NAALADL2: variants seen among roughly 807,000 people sequenced by gnomAD.
The protein encoded by NAALADL2 is inactive N-acetylated-alpha-linked acidic dipeptidase-like protein 2.
A neutral mutation model predicts 87.2 loss-of-function variants in NAALADL2; 76 were observed. That is an observed-to-expected ratio of 0.87 (90% CI 0.72 to 1.05). The LOEUF is 1.05. Ranked by LOEUF, NAALADL2 falls within the 50% of genes least tolerant of loss-of-function variation. The pLI is 0.00. For synonymous variants in NAALADL2, 354 were observed against 331.0 expected, an observed-to-expected ratio of 1.07 and a Z score of -0.75; for missense variants, 1,089 against 945.8, an observed-to-expected ratio of 1.15 and a Z score of -1.99.
rs371010697 is a variant in NAALADL2 at position 174,527,246 on chromosome 3, C to T, written c.-183-23323C>T. Among the ~76,000 whole-genome samples the T allele has an allele frequency of 4.6e-5, 7 of 151,888 alleles. No individual in the cohort carries two copies. The South Asian group carries it at 6.2e-4, about 14-fold the overall frequency. ...GATAGAAAAGAAGGTCTTGGCTGGG[C>T]GCAGTGGGTCAGGCCTGCAATCCCA... On this transcript the variant is annotated intron_variant, in intron 1 of 3. Transcript: ENST00000434257.
At chr3:174,825,405 C>T (rs1721869672) in intron 3 of NAALADL2, among the ~76,000 whole-genome samples, 1 of 152,208 alleles carries the variant, frequency 6.6e-6, no homozygotes, top group East Asian at 1.9e-4. Flanking sequence ...ATGGACCTCT[C>T]AGCCTAAGGA....
At chr3:174,937,402 A>G (rs1450275347) in intron 1 of NAALADL2, among the ~76,000 whole-genome samples, 1 of 152,066 alleles carries the variant, frequency 6.6e-6, no homozygotes, top group Non-Finnish European at 1.5e-5. Flanking sequence ...GAAATCCAGA[A>G]AGGTCTTTGG....
At chr3:174,557,980 A>G (rs2108505419) in intron 2 of NAALADL2, among the ~76,000 whole-genome samples, 1 of 152,226 alleles carries the variant, frequency 6.6e-6, no homozygotes, top group South Asian at 2.1e-4. Context: ...TCTGCACCCA[A>G]GATTTTTACT....
chr3:174,749,483 G>A (rs1388030308), intron 3 of NAALADL2, among the ~76,000 whole-genome samples: 2 of 149,406 alleles, frequency 1.3e-5, no homozygotes, highest in Admixed American at 6.7e-5. Flanking sequence ...GCAGATTATG[G>A]TTGCCAATGA....
At chr3:175,717,218 GTGAGGCATGGCGCAGCCACATTATCCTTT>G (rs1248764252) in intron 11 of NAALADL2, among the ~76,000 whole-genome samples, 1 of 152,124 alleles carries the variant, frequency 6.6e-6, no homozygotes, top group African/African-American at 2.4e-5. Context: ...GATTACAGGT[GTGAGGCATGGCGCAGCCACATTATCCTTT>G]TGAGGCAGGG....
chr3:175,752,559 G>A (rs1416055495), intron 12 of NAALADL2, among the ~76,000 whole-genome samples: 2 of 152,096 alleles, frequency 1.3e-5, no homozygotes, highest in East Asian at 1.9e-4. Context: ...AAATGATTGA[G>A]TAAACATTGA....
chr3:175,362,279 A>G (rs1458209340), intron 5 of NAALADL2, among the ~76,000 whole-genome samples: 2 of 147,880 alleles, frequency 1.4e-5, no homozygotes, highest in Non-Finnish European at 3.0e-5. Flanking sequence ...GCCTTGTTGT[A>G]TAGTTTGAAG....
At chr3:174,581,473 A>G (rs1716160534) in intron 2 of NAALADL2, among the ~76,000 whole-genome samples, 1 of 151,980 alleles carries the variant, frequency 6.6e-6, no homozygotes, top group Admixed American at 6.6e-5. Context: ...GCCATTTTCT[A>G]AAAAAAAGTG....
At chr3:174,614,497 G>T (rs1224027698) in intron 2 of NAALADL2, among the ~76,000 whole-genome samples, 1 of 152,090 alleles carries the variant, frequency 6.6e-6, no homozygotes, top group Admixed American at 6.5e-5. Context: ...CCAACTCAGT[G>T]TCTCACCATT....
chr3:174,753,238 T>C (rs1179430886), intron 3 of NAALADL2, among the ~76,000 whole-genome samples: 2 of 152,190 alleles, frequency 1.3e-5, no homozygotes, highest in African/African-American at 4.8e-5. Flanking sequence ...CATGCCTGGC[T>C]AATTTTTTTG....
intron 2 of NAALADL2, among the ~76,000 whole-genome samples, chr3:175,136,030 T>C (rs1729064270): frequency 6.6e-6 from 1 of 152,106 alleles, no homozygotes; most frequent in Admixed American, 6.5e-5. Context: ...GGCAAAAGCT[T>C]TATGTGACTG....
intron 11 of NAALADL2, among the ~76,000 whole-genome samples, chr3:175,726,548 C>T (rs566155303): frequency 1.3e-4 from 20 of 152,274 alleles, no homozygotes; most frequent in Non-Finnish European, 2.2e-4. Context: ...AGGTTTTCTC[C>T]AGCAAGGTTA....
intron 9 of NAALADL2, among the ~76,000 whole-genome samples, chr3:175,499,068 T>C (rs772157479): frequency 6.6e-6 from 1 of 152,128 alleles, no homozygotes; most frequent in Non-Finnish European, 1.5e-5. Flanking sequence ...ATACTTATTA[T>C]GCATTTTCTT....
At chr3:174,597,169 G>A (rs1207941055) in intron 2 of NAALADL2, among the ~76,000 whole-genome samples, 1 of 152,180 alleles carries the variant, frequency 6.6e-6, no homozygotes, top group Admixed American at 6.5e-5. Flanking sequence ...GCAGAGTCTG[G>A]AAGAAACCAA....
At chr3:174,987,805 T>C (rs1242849843) in intron 1 of NAALADL2, among the ~76,000 whole-genome samples, 2 of 132,942 alleles carry the variant, frequency 1.5e-5, no homozygotes, top group African/African-American at 6.9e-5. Context: ...TATATATATA[T>C]ATATAATTAT....
chr3:175,125,714 A>G (rs1438390053), intron 2 of NAALADL2, among the ~76,000 whole-genome samples: 2 of 152,118 alleles, frequency 1.3e-5, no homozygotes, highest in Non-Finnish European at 2.9e-5. Flanking sequence ...GGAACCGAAC[A>G]GGTTCGAGAA....
intron 5 of NAALADL2, among the ~76,000 whole-genome samples, chr3:175,336,860 G>A (rs1307654386): frequency 6.6e-6 from 1 of 151,910 alleles, no homozygotes; most frequent in Non-Finnish European, 1.5e-5. Flanking sequence ...CAGTCCCTTG[G>A]GTGATTTTTC....
intron 11 of NAALADL2, among the ~76,000 whole-genome samples, chr3:175,679,914 G>GT (rs1395513210): frequency 6.6e-6 from 1 of 152,050 alleles, no homozygotes; most frequent in Admixed American, 6.6e-5. Context: ...AGATGGTACA[G>GT]TATAGAATCA....
At chr3:175,237,053 C>T (rs890177780) in intron 3 of NAALADL2, among the ~76,000 whole-genome samples, 2 of 152,038 alleles carry the variant, frequency 1.3e-5, no homozygotes, top group African/African-American at 4.8e-5. Context: ...AATGTCATCT[C>T]ATTTTTAATG....
Sources: allele counts gnomAD v4.1 joint callset (sites outside exome capture counted in the v4.1 genomes callset), GRCh38; gene constraint gnomAD v4.1.1; transcripts MANE v1.5; gene names NCBI Gene and HGNC (gene_info 2026-07-23, HGNC 2026-07-21).